The following B3GALT1 variants were observed in gnomAD, a reference collection of about 807,000 sequenced individuals.
The protein encoded by B3GALT1 is beta-1,3-galactosyltransferase 1, also known as UDP-Gal:betaGlcNAc beta 1,3-galactosyltransferase, polypeptide 1.
A neutral mutation model predicts 23.2 loss-of-function variants in B3GALT1; 10 were observed. The observed-to-expected ratio is 0.43, with a 90% CI of 0.27 to 0.73. The LOEUF is 0.73. Ranked by LOEUF, B3GALT1 falls within the 30% of genes least tolerant of loss-of-function variation. The pLI, the probability that B3GALT1 is intolerant of heterozygous loss-of-function variation, is 0.21. For missense variants in B3GALT1, 299 were observed against 405.4 expected (o/e 0.74, Z 2.25); for synonymous variants, 156 against 141.5 (o/e 1.10, Z -0.73).
intron 3 of B3GALT1, among the ~76,000 whole-genome samples, chr2:167,724,995 A>G (rs143197060): frequency 2.8e-4 from 43 of 152,318 alleles, no homozygotes; most frequent in African/African-American, 9.1e-4. Flanking sequence ...TATTATTCAG[A>G]AATGACAATG....
At chr2:167,451,318 G>A (rs1047997546) in intron 1 of B3GALT1, among the ~76,000 whole-genome samples, 7 of 152,148 alleles carry the variant, frequency 4.6e-5, no homozygotes, top group African/African-American at 1.7e-4. Context: ...TCTCATTTGG[G>A]TAGGCTATGT....
chr2:167,349,519 A>G (rs940448888), intron 1 of B3GALT1, among the ~76,000 whole-genome samples: 1 of 152,196 alleles, frequency 6.6e-6, no homozygotes, highest in African/African-American at 2.4e-5. Context: ...AAAAAATTGT[A>G]TGCCGAGGTT....
In B3GALT1 at chr2:167,598,264, G is replaced by A. The variant is rs78518225; in HGVS notation, c.-409-48645G>A. The stretch of plus-strand genomic sequence containing the variant: ...AACCCTCAATTCTGATTGTGTGTGT[G>A]TGTGAGAGAGTGACATGTACACATA... On this transcript the variant is annotated intron_variant, in intron 2 of 4. Transcript: ENST00000392690. Among the ~76,000 whole-genome samples, 944 of 152,192 alleles carry A rather than the reference G, an allele frequency of 6.2e-3. 9 individuals are homozygous for A. Among genetic ancestry groups the A allele is most frequent in the African/African-American group, 0.022 (914 of 41,514 alleles).
intron 1 of B3GALT1, among the ~76,000 whole-genome samples, chr2:167,332,451 A>G (rs1696988740): frequency 6.6e-6 from 1 of 152,248 alleles, no homozygotes; most frequent in Non-Finnish European, 1.5e-5. Context: ...TAAGACCTAC[A>G]GTATCAGCAA....
At chr2:167,611,997 A>C (rs1432233376) in intron 2 of B3GALT1, among the ~76,000 whole-genome samples, 1 of 152,062 alleles carries the variant, frequency 6.6e-6, no homozygotes, top group Non-Finnish European at 1.5e-5. Context: ...CTGTTGATGA[A>C]TTGCTTTAGT....
At chr2:167,525,502 CATTT>C (rs1683204344) in intron 2 of B3GALT1, among the ~76,000 whole-genome samples, 1 of 151,914 alleles carries the variant, frequency 6.6e-6, no homozygotes, top group Non-Finnish European at 1.5e-5. Context: ...TTTATTCAGT[CATTT>C]ATTTATATTG....
At chr2:167,432,642 T>C (rs1698722737) in intron 1 of B3GALT1, among the ~76,000 whole-genome samples, 1 of 152,206 alleles carries the variant, frequency 6.6e-6, no homozygotes, top group African/African-American at 2.4e-5. Context: ...TGTGGAGCTC[T>C]TATCAGGCAT....
At chr2:167,768,488 T>A (rs538608079) in intron 3 of B3GALT1, among the ~76,000 whole-genome samples, 1 of 152,336 alleles carries the variant, frequency 6.6e-6, no homozygotes. Flanking sequence ...GACGGAAGCC[T>A]GTTAACTTGC....
intron 3 of B3GALT1, among the ~76,000 whole-genome samples, chr2:167,742,159 T>C (rs1687586384): frequency 6.6e-6 from 1 of 152,242 alleles, no homozygotes; most frequent in Non-Finnish European, 1.5e-5. Context: ...CTTTACTATA[T>C]CAGTGTTTTT....
intron 2 of B3GALT1, among the ~76,000 whole-genome samples, chr2:167,563,103 C>T (rs188782291): frequency 4.0e-4 from 61 of 152,168 alleles, no homozygotes; most frequent in African/African-American, 1.3e-3. Context: ...CCCACCTTTC[C>T]CCCCCTTCCA....
At chr2:167,443,321 T>C (rs1474609945) in intron 1 of B3GALT1, among the ~76,000 whole-genome samples, 2 of 152,216 alleles carry the variant, frequency 1.3e-5, no homozygotes, top group African/African-American at 2.4e-5. Context: ...TGCCTCCAGC[T>C]TTGTTCTTTT....
At chr2:167,367,040 A>G (rs975048543) in intron 1 of B3GALT1, among the ~76,000 whole-genome samples, 2 of 152,186 alleles carry the variant, frequency 1.3e-5, no homozygotes, top group African/African-American at 2.4e-5. Flanking sequence ...AGACTACACA[A>G]GGGCATAAAT....
intron 2 of B3GALT1, among the ~76,000 whole-genome samples, chr2:167,530,601 A>C (rs548273782): frequency 6.6e-6 from 1 of 152,320 alleles, no homozygotes; most frequent in African/African-American, 2.4e-5. Context: ...TAAAACAGCT[A>C]TTAAAAAATT....
chr2:167,629,089 C>T (rs923120994), intron 2 of B3GALT1, among the ~76,000 whole-genome samples: 2 of 151,484 alleles, frequency 1.3e-5, no homozygotes, highest in African/African-American at 4.8e-5. Context: ...CAACAGAGGA[C>T]GGATTGGAGC....
intron 2 of B3GALT1, among the ~76,000 whole-genome samples, chr2:167,601,751 A>G (rs970433905): frequency 6.6e-6 from 1 of 152,218 alleles, no homozygotes; most frequent in African/African-American, 2.4e-5. Context: ...AGGTGATTCC[A>G]TATTGAGAAG....
At chr2:167,803,426 G>C (rs1477685309) in intron 3 of B3GALT1, among the ~76,000 whole-genome samples, 1 of 152,140 alleles carries the variant, frequency 6.6e-6, no homozygotes, top group Non-Finnish European at 1.5e-5. Context: ...AAAACTTGCT[G>C]TGGCAGTGGT....
chr2:167,638,725 G>C (rs909615221), intron 2 of B3GALT1, among the ~76,000 whole-genome samples: 1 of 151,990 alleles, frequency 6.6e-6, no homozygotes, highest in Non-Finnish European at 1.5e-5. Flanking sequence ...TTAAAAAAGA[G>C]GGGGTTAGGC....
chr2:167,800,936 A>G (rs1183340294), intron 3 of B3GALT1, among the ~76,000 whole-genome samples: 1 of 152,212 alleles, frequency 6.6e-6, no homozygotes, highest in Non-Finnish European at 1.5e-5. Context: ...CTAAACACCC[A>G]TGTTTGGAAA....
At chr2:167,666,457 C>T (rs1281950550) in intron 3 of B3GALT1, among the ~76,000 whole-genome samples, 2 of 151,950 alleles carry the variant, frequency 1.3e-5, no homozygotes, top group Non-Finnish European at 2.9e-5. Context: ...CTGTAGATGT[C>T]TGTTAGGTCC....
Sources: gnomAD v4.1 joint callset for allele counts (sites outside exome capture counted in the v4.1 genomes callset) on GRCh38, gnomAD v4.1.1 for gene constraint, MANE v1.5 for transcripts, NCBI Gene and HGNC (gene_info 2026-07-23, HGNC 2026-07-21) for gene names.